PRKAB1: variants seen among roughly 807,000 people sequenced by gnomAD.
The protein encoded by PRKAB1 is protein kinase AMP-activated non-catalytic subunit beta 1, also known as 5'-AMP-activated protein kinase subunit beta-1.
In PRKAB1, 18 loss-of-function variants were observed where a neutral mutation model predicts 32.0. The observed-to-expected ratio is 0.56, with a 90% CI of 0.39 to 0.83. PRKAB1 has a LOEUF of 0.83. Among genes scored for constraint, PRKAB1 ranks in the 40% least tolerant of loss-of-function variants. The probability of loss-of-function intolerance (pLI) is 0.00; values close to 1 mark genes in which losing one functional copy is unlikely to be tolerated. For synonymous variants in PRKAB1, 141 were observed against 141.4 expected (o/e 1.00, Z 0.02); for missense variants, 263 against 352.6 (o/e 0.75, Z 2.03).
At chr12:119,673,136 G>A (rs1271087299) in intron 2 of PRKAB1, among the ~76,000 whole-genome samples, 1 of 152,140 alleles carries the variant, frequency 6.6e-6, no homozygotes, top group Admixed American at 6.5e-5. Flanking sequence ...AGGCTGAGAT[G>A]GGAGGATTGT....
chr12:119,670,824 A>C (rs989654198), intron 1 of PRKAB1, among the ~76,000 whole-genome samples: 1 of 152,216 alleles, frequency 6.6e-6, no homozygotes, highest in African/African-American at 2.4e-5. Flanking sequence ...AAGTGATTCC[A>C]GTCTGTTATT....
intron 5 of PRKAB1, chr12:119,678,300 A>G (rs1460952805): frequency 2.0e-5 from 3 of 152,228 alleles, no homozygotes; most frequent in African/African-American, 4.8e-5. Context: ...GTGTATTCTT[A>G]TTCAAGCCTC....
Position 119,674,513 on chromosome 12 carries a change from A to G in PRKAB1, c.532+59A>G, listed in dbSNP as rs1955409041. 1 of 1,282,476 alleles carries G rather than the reference A, an allele frequency of 7.8e-7. No individual in the cohort carries two copies. The highest frequency in any genetic ancestry group is 1.5e-5 in the African/African-American group (1 of 67,622). The allele number at this position is 1,282,476 out of a possible 1,614,324, so 79.4% of individuals were successfully genotyped here. ...CAGGTGGGGGCTGTACAGTCTAGAC[A>G]TACTCTTGTTTCTCTTGCCTCTCTT... On this transcript the variant is annotated intron_variant, in intron 4 of 6. Coordinates refer to ENST00000229328, the MANE Select transcript of PRKAB1 (RefSeq NM_006253.5). This position sits in a 1 kb window ranked among gnomAD's most constrained non-coding sequence, Gnocchi z 4.3.
upstream of PRKAB1, chr12:119,667,980 A>G (rs1378525015): frequency 6.5e-6 from 3 of 458,516 alleles, no homozygotes; most frequent in Middle Eastern, 5.5e-4. Flanking sequence ...GGGGTGGTGA[A>G]GCGGTTGGGA....
Position 119,674,195 on chromosome 12 carries a change from C to T in PRKAB1, c.417+138C>T. On this transcript the variant is annotated intron_variant, in intron 3 of 6. Coordinates refer to ENST00000229328, the MANE Select transcript of PRKAB1 (RefSeq NM_006253.5). The surrounding 1 kb of genome is among the most constrained non-coding windows in gnomAD (Gnocchi z 4.3). ...TGGCAGAGCTGAGTAGCAGCACTAC[C>T]TGTCAGACAGTTGGCATACTTGACC... The T allele has an allele frequency of 2.0e-6, 2 of 1,012,030 alleles. No homozygotes were observed. Among genetic ancestry groups the T allele is most frequent in the South Asian group, 3.0e-5 (2 of 66,556 alleles). 62.7% of individuals were successfully genotyped at this position (1,012,030 alleles called of 1,614,324 possible). A position where few individuals can be genotyped will look rare whatever the true frequency, so the allele number is the denominator to read the frequency against.
rs1004929108 is a variant in PRKAB1 at position 119,679,093 on chromosome 12, T to C, written c.667-840T>C. ...GTGTCCATATTTCAAAACAACATAT[T>C]GTACATGGTAAATATACATAATTTT... is the stretch of plus-strand genomic sequence containing the variant. On this transcript the variant is annotated intron_variant, in intron 5 of 6. Transcript: ENST00000229328. The surrounding 1 kb of genome is among the most constrained non-coding windows in gnomAD (Gnocchi z 4.1). 1.3e-5 allele frequency: 2 copies of C among 152,224 alleles called. No individual in the cohort carries two copies. The highest frequency in any genetic ancestry group is 6.5e-5 in the Admixed American group (1 of 15,284). 9.4% of individuals were successfully genotyped at this position (152,224 alleles called of 1,614,324 possible).
In PRKAB1 at chr12:119,680,505, G is replaced by C; in HGVS notation, c.*180G>C. 1.6e-6 allele frequency: 1 copy of C among 643,100 alleles called. No homozygotes were observed. Among genetic ancestry groups the C allele is most frequent in the Non-Finnish European group, 2.7e-6 (1 of 372,232 alleles). The allele number at this position is 643,100 out of a possible 1,614,324, so 39.8% of individuals were successfully genotyped here. ...GGCAGAGCAGCTCCTGCAGCGCCTC[G>C]GTCTGTGACAGTCCTCCTAGCACCC... On this transcript the variant is annotated 3_prime_UTR_variant, in exon 7 of 7. Coordinates refer to ENST00000229328, the MANE Select transcript of PRKAB1 (RefSeq NM_006253.5).
At position 119,680,459 on chromosome 12, in the gene PRKAB1, T is replaced by A; in HGVS notation, c.*134T>A. 1.1e-6 allele frequency: 1 copy of A among 943,086 alleles called. No individual in the cohort carries two copies. The highest frequency in any genetic ancestry group is 1.6e-6 in the Non-Finnish European group (1 of 621,462). 58.4% of individuals were successfully genotyped at this position (943,086 alleles called of 1,614,324 possible). Reference sequence around the variant, plus strand: ...AGAAGACATTTCATACCTGCCCTGGTCCTGCTTGAAGGTTTGTCCAGGCAG... The same window carrying A: ...AGAAGACATTTCATACCTGCCCTGGACCTGCTTGAAGGTTTGTCCAGGCAG... On this transcript the variant is annotated 3_prime_UTR_variant, in exon 7 of 7. Transcript: ENST00000229328.
intron 1 of PRKAB1, 103 bp downstream of exon 1, chr12:119,668,506 G>C: frequency 6.9e-7 from 1 of 1,449,940 alleles, no homozygotes. Context: ...CCAGAACGGA[G>C]AGGGAGGTGG....
At chr12:119,676,693 G>C in intron 5 of PRKAB1, 23 bp downstream of exon 5, 1 of 1,610,938 alleles carries the variant, frequency 6.2e-7, no homozygotes, top group Non-Finnish European at 8.5e-7. Context: ...GCATCTGCCC[G>C]GACCATCCGC....
chr12:119,669,697 C>G (rs1208218599), intron 1 of PRKAB1: 2 of 152,218 alleles, frequency 1.3e-5, no homozygotes, highest in Non-Finnish European at 2.9e-5. Flanking sequence ...CCTCAGCCTC[C>G]CGAGTAGCTG....
In PRKAB1 at chr12:119,674,944, A is replaced by G. The variant is rs1202389727; in HGVS notation, c.532+490A>G. Among the ~76,000 whole-genome samples, 1 of 152,260 alleles carries G rather than the reference A, an allele frequency of 6.6e-6. No homozygotes were observed. Among genetic ancestry groups the G allele is most frequent in the East Asian group, 1.9e-4 (1 of 5,196 alleles). On this transcript the variant is annotated intron_variant, in intron 4 of 6. Transcript: ENST00000229328. The surrounding 1 kb of genome is among the most constrained non-coding windows in gnomAD (Gnocchi z 4.3). ...GGGAGGATGCGGCTCCCCACGGGAA[A>G]CAGCCTGCACAGCCCAACTCTCCTT...
rs760241080 is a variant in PRKAB1 at position 119,672,328 on chromosome 12, T to G, written c.187T>G (p.Trp63Gly). Residue 63 changes from tryptophan (W) to glycine (G), a missense_variant, in exon 2 of 7, where the codon TGG becomes GGG. By Grantham distance (184) the Trp-to-Gly change is radical. Transcript: ENST00000229328. Reference sequence around the variant, plus strand: ...ACCAGAGAAGGAGGAATTCCTGGCCTGGCAGCATGATCTGGAAGTGAATGA... The same window carrying G: ...ACCAGAGAAGGAGGAATTCCTGGCCGGGCAGCATGATCTGGAAGTGAATGA... Reference protein sequence around the residue: ...KAPEKEEFLAWQHDLEVNDKA... With the variant: ...KAPEKEEFLAGQHDLEVNDKA... 1 of 1,609,488 alleles carries G rather than the reference T, an allele frequency of 6.2e-7. No individual in the cohort carries two copies. Among genetic ancestry groups the G allele is most frequent in the African/African-American group, 1.3e-5 (1 of 74,770 alleles).
intron 1 of PRKAB1, among the ~76,000 whole-genome samples, chr12:119,669,056 G>C (rs1345267849): frequency 1.3e-5 from 2 of 151,628 alleles, no homozygotes; most frequent in African/African-American, 4.8e-5. Context: ...GGCGCAGCTT[G>C]CAGTGAGCCG....
intron 4 of PRKAB1, among the ~76,000 whole-genome samples, 156 bp from the exon 5 acceptor site, chr12:119,676,381 T>C (rs1159932165): frequency 3.3e-5 from 5 of 152,204 alleles, no homozygotes. Flanking sequence ...TCCTCTCCTC[T>C]ATTCTGCACT....
chr12:119,672,989 G>A (rs1402229351), intron 2 of PRKAB1, among the ~76,000 whole-genome samples: 1 of 152,224 alleles, frequency 6.6e-6, no homozygotes, highest in Non-Finnish European at 1.5e-5. Flanking sequence ...AGCACTTTTG[G>A]GGGCTGAGGC....
chr12:119,676,709 G>C, intron 5 of PRKAB1, 39 bp downstream of exon 5: 1 of 1,599,860 alleles, frequency 6.3e-7, no homozygotes, highest in South Asian at 1.1e-5. Context: ...TCCGCCGTGG[G>C]TCATGTTCAG....
At position 119,680,885 on chromosome 12, in the gene PRKAB1, T is replaced by G. The variant is rs2136862722; in HGVS notation, c.*560T>G. On this transcript the variant is annotated 3_prime_UTR_variant, in exon 7 of 7. Coordinates refer to ENST00000229328, the MANE Select transcript of PRKAB1 (RefSeq NM_006253.5). ...TGTCATTTCTATAGAAATTAGAAGC[T>G]TTCTGATTTCTAGATGAGGTTTTAC... 1 of 153,064 alleles carries G rather than the reference T, an allele frequency of 6.5e-6. No homozygotes were observed. Among genetic ancestry groups the G allele is most frequent in the Admixed American group, 6.5e-5 (1 of 15,382 alleles). The allele number at this position is 153,064 out of a possible 1,614,324, so 9.5% of individuals were successfully genotyped here. A position where few individuals can be genotyped will look rare whatever the true frequency, so the allele number is the denominator to read the frequency against.
At chr12:119,677,275 C>T (rs1419411031) in intron 5 of PRKAB1, 1 of 152,334 alleles carries the variant, frequency 6.6e-6, no homozygotes, top group Non-Finnish European at 1.5e-5. Flanking sequence ...GTCCAAGCTA[C>T]CTCTTAAGAG....
Sources: allele counts gnomAD v4.1 joint callset (sites outside exome capture counted in the v4.1 genomes callset), GRCh38; gene constraint gnomAD v4.1.1; non-coding constraint Gnocchi (gnomAD v3.1); transcripts MANE v1.5; gene names NCBI Gene and HGNC (gene_info 2026-07-23, HGNC 2026-07-21).